Variants in APBA2 observed in about 807,000 individuals in gnomAD.
APBA2 encodes amyloid beta precursor protein binding family A member 2, also known as amyloid-beta A4 precursor protein-binding family A member 2.
A neutral mutation model predicts 75.0 loss-of-function variants in APBA2; 30 were observed. The observed-to-expected ratio is 0.40, with a 90% CI of 0.30 to 0.54. The LOEUF (loss-of-function observed/expected upper bound fraction) is 0.54, where lower values mean the gene tolerates loss of function less well. Among genes scored for constraint, APBA2 ranks in the 20% least tolerant of loss-of-function variants. The pLI, the probability that APBA2 is intolerant of heterozygous loss-of-function variation, is 0.49. For synonymous variants in APBA2, 444 were observed against 409.6 expected (o/e 1.08, Z -1.01); for missense variants, 801 against 1,016.1 (o/e 0.79, Z 2.88).
At chr15:29,050,141 A>G (rs1276358839) in intron 3 of APBA2, among the ~76,000 whole-genome samples, 1 of 152,216 alleles carries the variant, frequency 6.6e-6, no homozygotes, top group African/African-American at 2.4e-5. Flanking sequence ...AGACGGAAGG[A>G]ATAGATTTTT....
chr15:28,952,937 C>T (rs2035968714), intron 2 of APBA2, among the ~76,000 whole-genome samples: 1 of 152,182 alleles, frequency 6.6e-6, no homozygotes, highest in Admixed American at 6.5e-5. Context: ...CACATTTGTA[C>T]CTTCAGAGCC....
intron 2 of APBA2, among the ~76,000 whole-genome samples, chr15:28,986,159 T>G (rs1233039914): frequency 1.3e-5 from 2 of 152,230 alleles, no homozygotes; most frequent in Non-Finnish European, 2.9e-5. Flanking sequence ...TCTCAAAGTT[T>G]CCTGCCTCCT....
intron 2 of APBA2, chr15:28,970,654 A>G (rs867904263): frequency 6.6e-6 from 1 of 151,744 alleles, no homozygotes; most frequent in African/African-American, 2.4e-5. Context: ...TGGAAAATCC[A>G]TCCTAGTGTC....
At chr15:29,091,819 C>T (rs2043587079) in intron 6 of APBA2, among the ~76,000 whole-genome samples, 1 of 152,048 alleles carries the variant, frequency 6.6e-6, no homozygotes, top group African/African-American at 2.4e-5. Flanking sequence ...GGGAAGAGGT[C>T]AGGAGGTTGC....
chr15:28,955,581 AAATGC>A (rs2036122678), intron 2 of APBA2, among the ~76,000 whole-genome samples: 1 of 152,252 alleles, frequency 6.6e-6, no homozygotes. Flanking sequence ...TTGTTCAGGG[AAATGC>A]ATCTTTTGTG....
At chr15:28,933,521 A>G (rs2034675017) in intron 2 of APBA2, among the ~76,000 whole-genome samples, 1 of 152,200 alleles carries the variant, frequency 6.6e-6, no homozygotes, top group Non-Finnish European at 1.5e-5. Flanking sequence ...TGAATGGAAT[A>G]AGACTCCCTT....
intron 3 of APBA2, among the ~76,000 whole-genome samples, chr15:29,001,863 C>T (rs2152802617): frequency 6.6e-6 from 1 of 152,236 alleles, no homozygotes; most frequent in East Asian, 1.9e-4. Context: ...GTGAGCCCAA[C>T]ATAATTAGTG....
At chr15:29,075,065 C>T (rs551513792) in intron 5 of APBA2, 64 bp downstream of exon 5, 68 of 1,172,922 alleles carry the variant, frequency 5.8e-5, no homozygotes, top group Middle Eastern at 3.9e-4. Context: ...AGTGGCCCAC[C>T]GAGTTGTGGT....
At chr15:29,063,939 G>A (rs1287375567) in intron 4 of APBA2, among the ~76,000 whole-genome samples, 5 of 152,028 alleles carry the variant, frequency 3.3e-5, no homozygotes, top group African/African-American at 7.3e-5. Context: ...AGCTGCTGGG[G>A]GTGAGGTCGG....
intron 3 of APBA2, among the ~76,000 whole-genome samples, chr15:29,001,470 C>T (rs1229242589): frequency 5.9e-5 from 9 of 152,314 alleles, no homozygotes; most frequent in Middle Eastern, 3.4e-3. Context: ...GTGGGCCTCC[C>T]GCAGTGCTGG....
chr15:29,004,470 G>T (rs1345218418), intron 3 of APBA2, among the ~76,000 whole-genome samples: 1 of 152,180 alleles, frequency 6.6e-6, no homozygotes, highest in Non-Finnish European at 1.5e-5. Flanking sequence ...TAGCACCGTG[G>T]TTCTCAGACT....
At chr15:29,105,062 C>T (rs1441282267) in intron 10 of APBA2, among the ~76,000 whole-genome samples, 8 of 152,180 alleles carry the variant, frequency 5.3e-5, no homozygotes, top group Non-Finnish European at 7.3e-5. Context: ...TCATTGTTGT[C>T]CCAGACTTTC....
At chr15:28,916,952 T>C (rs1172354009) in intron 1 of APBA2, among the ~76,000 whole-genome samples, 11 of 152,166 alleles carry the variant, frequency 7.2e-5, no homozygotes, top group Non-Finnish European at 1.0e-4. Context: ...AAATTTTCGA[T>C]AGAGAATGCT....
intron 2 of APBA2, among the ~76,000 whole-genome samples, chr15:28,921,956 G>A (rs80174757): frequency 0.017 from 2,569 of 152,298 alleles, 73 homozygotes; most frequent in African/African-American, 0.059. Context: ...ATTTTGAGGC[G>A]AAAGGGGAAG....
chr15:29,026,174 G>A (rs149266105), intron 3 of APBA2, among the ~76,000 whole-genome samples: 3 of 152,226 alleles, frequency 2.0e-5, no homozygotes, highest in Non-Finnish European at 2.9e-5. Context: ...TGTATGGCCC[G>A]TGTTCCATAG....
intron 9 of APBA2, among the ~76,000 whole-genome samples, chr15:29,100,376 A>C (rs1393921741): frequency 6.6e-6 from 1 of 152,254 alleles, no homozygotes; most frequent in East Asian, 1.9e-4. Flanking sequence ...CATGCACTGC[A>C]AAGTGGATTC....
chr15:29,022,231 T>C (rs1181117442), intron 3 of APBA2, among the ~76,000 whole-genome samples: 2 of 152,216 alleles, frequency 1.3e-5, no homozygotes, highest in African/African-American at 4.8e-5. Context: ...TTTTCCATAA[T>C]AGTGATACCA....
chr15:28,910,119 A>C (rs1202449470), intron 1 of APBA2, among the ~76,000 whole-genome samples: 2 of 152,270 alleles, frequency 1.3e-5, no homozygotes, highest in East Asian at 3.8e-4. Flanking sequence ...AAGGATGGCC[A>C]GCGGAGTGGG....
chr15:29,114,291 G>A (rs2044922249), intron 14 of APBA2, among the ~76,000 whole-genome samples: 1 of 152,234 alleles, frequency 6.6e-6, no homozygotes, highest in Non-Finnish European at 1.5e-5. Flanking sequence ...CAGTTCAGAA[G>A]CTCTGCAGGG....
Sources: gnomAD v4.1 joint callset for allele counts (sites outside exome capture counted in the v4.1 genomes callset) on GRCh38, gnomAD v4.1.1 for gene constraint, MANE v1.5 for transcripts, NCBI Gene and HGNC (gene_info 2026-07-23, HGNC 2026-07-21) for gene names.